Variants in PILRA observed in about 807,000 individuals in gnomAD.
PILRA encodes the protein paired immunoglobin like type 2 receptor alpha, also known as paired immunoglobulin-like type 2 receptor alpha.
In PILRA, 37 loss-of-function variants were observed where a neutral mutation model predicts 33.1. The ratio of observed to expected loss-of-function variants is 1.12; its 90% confidence interval spans 0.86 to 1.47. The LOEUF (loss-of-function observed/expected upper bound fraction) is 1.47, where lower values mean the gene tolerates loss of function less well. PILRA is among the 40% of genes most tolerant of loss of function. PILRA has a pLI of 0.00. For synonymous variants in PILRA, 146 were observed against 149.9 expected (o/e 0.97, Z 0.19); for missense variants, 312 against 376.2 (o/e 0.83, Z 1.41).
chr7:100,394,876 T>C (rs1374640927), intron 3 of PILRA, among the ~76,000 whole-genome samples: 2 of 152,038 alleles, frequency 1.3e-5, no homozygotes, highest in Non-Finnish European at 2.9e-5. Flanking sequence ...CCCCAAACCA[T>C]AGGGAAAAAG....
intron 2 of PILRA, among the ~76,000 whole-genome samples, chr7:100,386,192 C>G (rs1052211859): frequency 6.6e-6 from 1 of 152,118 alleles, no homozygotes; most frequent in Non-Finnish European, 1.5e-5. Context: ...ATTACAGGCA[C>G]AAGCCACTGC....
chr7:100,397,541 C>CAAGGG (rs1437501022), intron 3 of PILRA, among the ~76,000 whole-genome samples: 1 of 137,760 alleles, frequency 7.3e-6, no homozygotes, highest in African/African-American at 2.7e-5. Context: ...GTGCCAATGT[C>CAAGGG]AAGGGAAGGG....
intron 2 of PILRA, among the ~76,000 whole-genome samples, chr7:100,387,960 G>T (rs1369918614): frequency 6.6e-6 from 1 of 151,810 alleles, no homozygotes; most frequent in Non-Finnish European, 1.5e-5. Context: ...CCTGTTTGGG[G>T]TTTTTTCTTT....
At chr7:100,391,071 C>G (rs752217102) in intron 3 of PILRA, among the ~76,000 whole-genome samples, 10 of 151,524 alleles carry the variant, frequency 6.6e-5, no homozygotes, top group Non-Finnish European at 1.5e-4. Context: ...TCCCAGCACT[C>G]TGGGAGGCTG....
chr7:100,389,971 G>A lies in PILRA; in HGVS notation c.538G>A (p.Val180Ile). The change falls in exon 3 of 7, where the codon GTC (valine) becomes ATC (isoleucine). Residue 180 changes from valine (V) to isoleucine (I), a missense_variant. Val to Ile is a conservative substitution (Grantham distance 29). Coordinates refer to ENST00000198536, the MANE Select transcript of PILRA (RefSeq NM_013439.3). ...CACAACCACCACAACCGGCCTCAGG[G>A]TCACACAGGGCAAACGACGCTCAGA... ...SSTTTTTGLR[V>I]TQGKRRSDSW... The A allele has an allele frequency of 6.2e-7, 1 of 1,614,048 alleles. No individual in the cohort carries two copies. The highest frequency in any genetic ancestry group is 1.3e-5 in the African/African-American group (1 of 75,004).
At chr7:100,384,632 T>A (rs542303393) in intron 2 of PILRA, among the ~76,000 whole-genome samples, 11 of 151,924 alleles carry the variant, frequency 7.2e-5, no homozygotes, top group South Asian at 2.1e-4. Flanking sequence ...AAATTTTTTT[T>A]TAAAAATTAT....
intron 1 of PILRA, 97 bp downstream of exon 1, chr7:100,373,817 C>A: frequency 3.3e-6 from 5 of 1,509,142 alleles, no homozygotes; most frequent in Non-Finnish European, 4.6e-6. Context: ...GGCCCAGGCT[C>A]CCACCACCAG....
intron 2 of PILRA, among the ~76,000 whole-genome samples, chr7:100,388,178 A>G (rs1371267854): frequency 6.6e-6 from 1 of 152,170 alleles, no homozygotes; most frequent in African/African-American, 2.4e-5. Context: ...AAAATTCCCA[A>G]TCAAGACATA....
At chr7:100,372,372 G>A (rs1426641999), upstream of PILRA, among the ~76,000 whole-genome samples, 1 of 152,120 alleles carries the variant, frequency 6.6e-6, no homozygotes, top group African/African-American at 2.4e-5. Context: ...GAGACTAAGA[G>A]AAGGGAGGCC....
chr7:100,399,973 A>G lies in PILRA; in HGVS notation c.*66A>G. 6.9e-6 allele frequency: 10 copies of G among 1,458,206 alleles called. No homozygotes were observed. The highest frequency in any genetic ancestry group is 9.1e-6 in the Non-Finnish European group (10 of 1,097,082). The allele number at this position is 1,458,206 out of a possible 1,614,324, so 90.3% of individuals were successfully genotyped here. On this transcript the variant is annotated 3_prime_UTR_variant, in exon 7 of 7. Coordinates refer to ENST00000198536, the MANE Select transcript of PILRA (RefSeq NM_013439.3). Reference sequence around the variant, plus strand: ...TACAGTGGCGCACACCTGTAATCCCAGCTACTCTGAAGCCTGAGGCAGAAT... The same window carrying G: ...TACAGTGGCGCACACCTGTAATCCCGGCTACTCTGAAGCCTGAGGCAGAAT...
intron 4 of PILRA, among the ~76,000 whole-genome samples, chr7:100,398,579 C>T (rs934847582): frequency 2.0e-5 from 3 of 152,204 alleles, no homozygotes; most frequent in African/African-American, 4.8e-5. Flanking sequence ...CTGTCCCCAA[C>T]CCTTCTCTAT....
At chr7:100,391,728 G>A (rs1791393763) in intron 3 of PILRA, among the ~76,000 whole-genome samples, 1 of 152,162 alleles carries the variant, frequency 6.6e-6, no homozygotes, top group African/African-American at 2.4e-5. Context: ...TGATGTAGGG[G>A]CGAGGGAGCA....
At chr7:100,397,947 G>T (rs763593632) in intron 4 of PILRA, 35 bp downstream of exon 4, 2 of 1,609,390 alleles carry the variant, frequency 1.2e-6, no homozygotes, top group Admixed American at 3.3e-5. Flanking sequence ...GGGTTGGGGG[G>T]TGCATGTGCA....
chr7:100,382,413 C>T (rs1791127604), intron 2 of PILRA, among the ~76,000 whole-genome samples: 1 of 152,082 alleles, frequency 6.6e-6, no homozygotes. Flanking sequence ...TGTAAGTACA[C>T]CAATCACCAC....
chr7:100,379,272 C>T (rs1008179018), intron 2 of PILRA, among the ~76,000 whole-genome samples: 3 of 151,616 alleles, frequency 2.0e-5, no homozygotes, highest in Non-Finnish European at 2.9e-5. Flanking sequence ...CCCAGCCACT[C>T]GGGAGGCTGA....
upstream of PILRA, among the ~76,000 whole-genome samples, chr7:100,372,606 G>C (rs1387003766): frequency 1.1e-4 from 16 of 152,178 alleles, no homozygotes; most frequent in Admixed American, 9.8e-4. Flanking sequence ...CTGTGTGTGG[G>C]GTGGGTGTTG....
Position 100,390,044 on chromosome 7 carries a change from T to A in PILRA, c.611T>A (p.Val204Asp), listed in dbSNP as rs1584224274. The A allele has an allele frequency of 3.7e-6, 6 of 1,613,780 alleles. No homozygotes were observed. Among genetic ancestry groups the A allele is most frequent in the Non-Finnish European group, 5.1e-6 (6 of 1,179,894 alleles). Reference protein sequence around the residue: ...LETAVGVAVAVTVLGIMILGL... With the variant: ...LETAVGVAVADTVLGIMILGL... ...ACTGCTGTGGGGGTGGCAGTGGCTG[T>A]CACTGTGCTCGGAATCATGATTTTG... The change falls in exon 3 of 7, where the codon GTC becomes GAC. Residue 204 changes from valine (V) to aspartate (D), a missense_variant. Coordinates refer to ENST00000198536, the MANE Select transcript of PILRA (RefSeq NM_013439.3).
At chr7:100,389,853 AG>A in intron 2 of PILRA, 34 bp from the exon 3 acceptor site, 1 of 1,576,576 alleles carries the variant, frequency 6.3e-7, no homozygotes. Flanking sequence ...CTGTGCCCCC[AG>A]GGGAGGGTCT....
At chr7:100,394,300 G>A (rs1791447828) in intron 3 of PILRA, among the ~76,000 whole-genome samples, 1 of 151,994 alleles carries the variant, frequency 6.6e-6, no homozygotes, top group Non-Finnish European at 1.5e-5. Context: ...AAAGACAGCT[G>A]GAATGCTTCC....
Sources: allele counts gnomAD v4.1 joint callset (sites outside exome capture counted in the v4.1 genomes callset), GRCh38; gene constraint gnomAD v4.1.1; transcripts MANE v1.5; gene names NCBI Gene and HGNC (gene_info 2026-07-23, HGNC 2026-07-21).